The following MMP16 variants were observed in gnomAD, a reference collection of about 807,000 sequenced individuals.
MMP16 encodes the protein matrix metalloproteinase-16.
MMP16 carries 12 observed loss-of-function variants against 67.8 expected under a neutral mutation model. That is an observed-to-expected ratio of 0.18 (90% CI 0.11 to 0.29). The LOEUF is 0.29. Ranked by LOEUF, MMP16 falls within the 10% of genes least tolerant of loss-of-function variation. The pLI, the probability that MMP16 is intolerant of heterozygous loss-of-function variation, is 1.00. For synonymous variants in MMP16, 249 were observed against 255.9 expected (o/e 0.97, Z 0.26); for missense variants, 475 against 765.7 (o/e 0.62, Z 4.48).
At chr8:88,187,384 T>G (rs936822988) in intron 2 of MMP16, among the ~76,000 whole-genome samples, 2 of 152,194 alleles carry the variant, frequency 1.3e-5, no homozygotes, top group African/African-American at 4.8e-5. Context: ...TATCTATTCT[T>G]GCATCTTATC....
chr8:88,165,107 T>C (rs1808689665), intron 4 of MMP16, among the ~76,000 whole-genome samples: 1 of 147,614 alleles, frequency 6.8e-6, no homozygotes. Context: ...ACTCAGGAAG[T>C]TAAGGTAGGA....
chr8:88,267,445 C>A (rs893429452), intron 1 of MMP16, among the ~76,000 whole-genome samples: 1 of 152,174 alleles, frequency 6.6e-6, no homozygotes, highest in Non-Finnish European at 1.5e-5. Flanking sequence ...GCTAATATAA[C>A]ACTTGCACCT....
At position 88,276,644 on chromosome 8, in the gene MMP16, G is replaced by A. The variant is rs190218883; in HGVS notation, c.132+50431C>T. The stretch of plus-strand genomic sequence containing the variant: ...AAATCTCCTGCTTCATCAGTCCATA[G>A]CCTATGTCATAAAAGCAAGTATATA... On this transcript the variant is annotated intron_variant, in intron 1 of 9. Transcript: ENST00000286614. Among the ~76,000 whole-genome samples the A allele has an allele frequency of 3.1e-3, 473 of 152,152 alleles. 6 individuals are homozygous for A. The highest frequency in any genetic ancestry group is 0.03 in the South Asian group (145 of 4,830).
At chr8:88,120,241 CA>C (rs1807801956) in intron 4 of MMP16, among the ~76,000 whole-genome samples, 1 of 151,790 alleles carries the variant, frequency 6.6e-6, no homozygotes, top group African/African-American at 2.4e-5. Context: ...ATAACTATGA[CA>C]GTGTTTGGAA....
chr8:88,262,250 C>T (rs530037629), intron 1 of MMP16, among the ~76,000 whole-genome samples: 9 of 152,298 alleles, frequency 5.9e-5, no homozygotes, highest in Admixed American at 4.6e-4. Flanking sequence ...TTTTATCAAA[C>T]GTGGCATAGT....
At chr8:88,157,726 G>C (rs1472834319) in intron 4 of MMP16, among the ~76,000 whole-genome samples, 1 of 151,940 alleles carries the variant, frequency 6.6e-6, no homozygotes, top group African/African-American at 2.4e-5. Flanking sequence ...CAATGTGCAG[G>C]TTTGTTACAT....
chr8:88,086,926 C>T (rs1314805422), intron 6 of MMP16, among the ~76,000 whole-genome samples: 2 of 151,804 alleles, frequency 1.3e-5, no homozygotes, highest in Admixed American at 6.6e-5. Flanking sequence ...TGGAACAGTT[C>T]CCAGCACAAT....
chr8:88,145,490 A>C (rs1001806036), intron 4 of MMP16, among the ~76,000 whole-genome samples: 1 of 151,926 alleles, frequency 6.6e-6, no homozygotes, highest in Admixed American at 6.6e-5. Flanking sequence ...ATATCGAAAA[A>C]AGGCCATAAA....
chr8:88,070,807 C>A (rs1363742619), intron 7 of MMP16, among the ~76,000 whole-genome samples: 1 of 152,078 alleles, frequency 6.6e-6, no homozygotes, highest in African/African-American at 2.4e-5. Flanking sequence ...TTTCTTGATA[C>A]CCAGTGTCTT....
intron 1 of MMP16, among the ~76,000 whole-genome samples, chr8:88,205,959 G>A (rs889493064): frequency 6.6e-6 from 1 of 151,724 alleles, no homozygotes; most frequent in African/African-American, 2.4e-5. Context: ...CCATCATCAG[G>A]TTTTAGCTAC....
Position 88,041,805 on chromosome 8 carries a change from A to G in MMP16, c.1490-10T>C, listed in dbSNP as rs1283269696. ...TAGAAATACGTAAAGCCTAGGGGGA[A>G]AAACATACACACACACAGGTACCAC... On this transcript the variant is annotated splice_polypyrimidine_tract_variant and intron_variant, in intron 9 of 9. Coordinates refer to ENST00000286614, the MANE Select transcript of MMP16 (RefSeq NM_005941.5). This position sits in a 1 kb window ranked among gnomAD's most constrained non-coding sequence, Gnocchi z 6.0. 1 of 1,571,704 alleles carries G rather than the reference A, an allele frequency of 6.4e-7. No homozygotes were observed. The highest frequency in any genetic ancestry group is 8.6e-7 in the Non-Finnish European group (1 of 1,157,268).
At chr8:88,273,293 T>C (rs553472156) in intron 1 of MMP16, among the ~76,000 whole-genome samples, 134 of 147,350 alleles carry the variant, frequency 9.1e-4, no homozygotes, top group African/African-American at 3.3e-3. Context: ...GGTTTGACCA[T>C]GTTGCCAGGC....
chr8:88,242,388 C>T (rs1282805553), intron 1 of MMP16, among the ~76,000 whole-genome samples: 2 of 152,118 alleles, frequency 1.3e-5, no homozygotes, highest in Non-Finnish European at 2.9e-5. Flanking sequence ...GGCTTATCAA[C>T]GACATCCTTT....
intron 1 of MMP16, among the ~76,000 whole-genome samples, chr8:88,201,357 A>G (rs1244351520): frequency 6.6e-6 from 1 of 152,036 alleles, no homozygotes. Context: ...AGGTTATTTC[A>G]AGTATAGTTA....
In MMP16 at chr8:88,236,757, A is replaced by G. The variant is rs567295319; in HGVS notation, c.133-39451T>C. Among the ~76,000 whole-genome samples, 120 of 90,448 alleles carry G rather than the reference A, an allele frequency of 1.3e-3. 29 individuals carry two copies. Among genetic ancestry groups the G allele is most frequent in the African/African-American group, 6.4e-3 (101 of 15,678 alleles). 59.3% of individuals were successfully genotyped at this position (90,448 alleles called of 152,430 possible). A position where few individuals can be genotyped will look rare whatever the true frequency, so the allele number is the denominator to read the frequency against. Reference sequence around the variant, plus strand: ...AGCGAGACTCTGAAAAATAACAACAACAAACAGAAGACCAGCCCTATGATC... The same window carrying G: ...AGCGAGACTCTGAAAAATAACAACAGCAAACAGAAGACCAGCCCTATGATC... On this transcript the variant is annotated intron_variant, in intron 1 of 9. Coordinates refer to ENST00000286614, the MANE Select transcript of MMP16 (RefSeq NM_005941.5).
chr8:88,260,054 A>C (rs1810362532), intron 1 of MMP16, among the ~76,000 whole-genome samples: 1 of 152,220 alleles, frequency 6.6e-6, no homozygotes, highest in East Asian at 1.9e-4. Context: ...CATATTCAAA[A>C]AATGCACAAT....
At chr8:88,169,494 T>C (rs1196200197) in intron 3 of MMP16, among the ~76,000 whole-genome samples, 4 of 152,194 alleles carry the variant, frequency 2.6e-5, no homozygotes, top group Non-Finnish European at 5.9e-5. Context: ...GGGTTTTCAA[T>C]CCAAACATTT....
rs112850884 is a variant in MMP16 at position 88,326,942 on chromosome 8, T to A, written c.132+133A>T. The A allele has an allele frequency of 4.4e-5, 50 of 1,143,478 alleles. No individual in the cohort carries two copies. In the African/African-American group the frequency reaches 6.6e-4, roughly 15 times the overall value. 70.8% of individuals were successfully genotyped at this position (1,143,478 alleles called of 1,614,324 possible). ...AAAACACCCTTAAACTGAACCAGGG[T>A]CTCCACAGCTGGAAGGGAAACAACG... On this transcript the variant is annotated intron_variant, in intron 1 of 9. Coordinates refer to ENST00000286614, the MANE Select transcript of MMP16 (RefSeq NM_005941.5).
chr8:88,294,335 T>A (rs904892771), intron 1 of MMP16, among the ~76,000 whole-genome samples: 2 of 150,202 alleles, frequency 1.3e-5, no homozygotes, highest in African/African-American at 4.9e-5. Flanking sequence ...TGTATGTCTA[T>A]ATATGTGTAT....
Sources: gnomAD v4.1 joint callset for allele counts (sites outside exome capture counted in the v4.1 genomes callset) on GRCh38, gnomAD v4.1.1 for gene constraint, Gnocchi (gnomAD v3.1) non-coding constraint, MANE v1.5 for transcripts, NCBI Gene and HGNC (gene_info 2026-07-23, HGNC 2026-07-21) for gene names.